CWH43: variants seen among roughly 807,000 people sequenced by gnomAD.
CWH43 encodes cell wall biogenesis 43 C-terminal homolog, also known as PGAP2-interacting protein.
A neutral mutation model predicts 85.7 loss-of-function variants in CWH43; 91 were observed. The ratio of observed to expected loss-of-function variants is 1.06; its 90% CI spans 0.90 to 1.26. CWH43 has a LOEUF of 1.26. Among genes scored for constraint, CWH43 ranks in the 50% most tolerant of loss-of-function variants. CWH43 has a pLI of 0.00. For missense variants in CWH43, 869 were observed against 839.2 expected, an observed-to-expected ratio of 1.04 and a Z score of -0.44; for synonymous variants, 323 against 293.6, an observed-to-expected ratio of 1.10 and a Z score of -1.02.
chr4:49,017,122 G>T (rs1783574185), intron 8 of CWH43, 127 bp from the exon 9 acceptor site: 2 of 797,450 alleles, frequency 2.5e-6, no homozygotes, highest in African/African-American at 1.7e-5. Flanking sequence ...CATCTTCCAG[G>T]TCCTCCAAGA....
intron 12 of CWH43, among the ~76,000 whole-genome samples, chr4:49,035,082 C>G (rs776570779): frequency 6.6e-6 from 1 of 152,140 alleles, no homozygotes; most frequent in Non-Finnish European, 1.5e-5. Context: ...TCCCAACAAG[C>G]GACATAGGAA....
chr4:49,032,073 C>T (rs559997859), intron 11 of CWH43, among the ~76,000 whole-genome samples: 2 of 152,280 alleles, frequency 1.3e-5, no homozygotes, highest in South Asian at 2.1e-4. Context: ...ACAGAGAATG[C>T]GTCTAGCTAT....
chr4:49,027,328 T>C (rs186943556), intron 9 of CWH43, among the ~76,000 whole-genome samples: 95 of 152,318 alleles, frequency 6.2e-4, no homozygotes, highest in Admixed American at 1.0e-3. Flanking sequence ...ATGTTTTTGG[T>C]TTGAGCAACT....
intron 12 of CWH43, among the ~76,000 whole-genome samples, chr4:49,035,618 A>G (rs1577694618): frequency 6.6e-6 from 1 of 152,160 alleles, no homozygotes; most frequent in East Asian, 1.9e-4. Context: ...CTTACTTTAT[A>G]GGGTTATTGG....
intron 4 of CWH43, among the ~76,000 whole-genome samples, chr4:48,993,177 T>C (rs1463429359): frequency 6.6e-6 from 1 of 152,230 alleles, no homozygotes; most frequent in African/African-American, 2.4e-5. Context: ...CTGTTCACCC[T>C]GCACCTTCTC....
chr4:49,040,924 G>A (rs1163204237), intron 13 of CWH43, among the ~76,000 whole-genome samples: 2 of 152,186 alleles, frequency 1.3e-5, no homozygotes, highest in African/African-American at 4.8e-5. Flanking sequence ...TTTTGTATAA[G>A]ATGTAAGGAA....
At chr4:49,006,806 A>G (rs1783172137) in intron 7 of CWH43, among the ~76,000 whole-genome samples, 1 of 152,182 alleles carries the variant, frequency 6.6e-6, no homozygotes, top group Non-Finnish European at 1.5e-5. Context: ...GAGCCTACGT[A>G]TGATCCATTG....
At chr4:49,021,923 A>T (rs1330095005) in intron 9 of CWH43, among the ~76,000 whole-genome samples, 1 of 152,152 alleles carries the variant, frequency 6.6e-6, no homozygotes, top group Non-Finnish European at 1.5e-5. Context: ...ACTTTGCTGA[A>T]TTCATTTACC....
chr4:49,016,073 T>G (rs1344233881), intron 8 of CWH43, among the ~76,000 whole-genome samples: 1 of 152,160 alleles, frequency 6.6e-6, no homozygotes, highest in Non-Finnish European at 1.5e-5. Flanking sequence ...TTGTGACTTA[T>G]TTTTACTTTA....
rs1398923031 is a variant in CWH43, at chr4:48,992,526, T to C, written c.511+436T>C. On this transcript the variant is annotated intron_variant, in intron 4 of 15. Coordinates refer to ENST00000226432, the MANE Select transcript of CWH43 (RefSeq NM_025087.3). The surrounding 1 kb of genome is among the most constrained non-coding windows in gnomAD (Gnocchi z 4.3). ...CTGTCACTGGAACTCCCTGGGTTTT[T>C]TTTCCCAGAGGTCTGAAGCTCCAAA... Among the ~76,000 whole-genome samples the C allele has an allele frequency of 6.6e-6, 1 of 152,198 alleles. No individual in the cohort carries two copies. Among genetic ancestry groups the C allele is most frequent in the Admixed American group, 6.5e-5 (1 of 15,280 alleles).
intron 8 of CWH43, among the ~76,000 whole-genome samples, chr4:49,015,872 ATTAT>A (rs1270122731): frequency 6.6e-6 from 1 of 151,784 alleles, no homozygotes; most frequent in Non-Finnish European, 1.5e-5. Flanking sequence ...AAATTTTCTG[ATTAT>A]TTATTTTAGT....
At chr4:49,020,876 C>T (rs1454909391) in intron 9 of CWH43, among the ~76,000 whole-genome samples, 2 of 151,898 alleles carry the variant, frequency 1.3e-5, no homozygotes, top group Non-Finnish European at 2.9e-5. Context: ...ATTGTCTATT[C>T]ATGTCCTTAG....
At chr4:49,008,081 C>T (rs1560492417) in intron 8 of CWH43, among the ~76,000 whole-genome samples, 2 of 152,206 alleles carry the variant, frequency 1.3e-5, no homozygotes, top group African/African-American at 4.8e-5. Context: ...TATTTACACT[C>T]CCACCAACAG....
At chr4:49,037,972 A>G (rs1784310895) in intron 12 of CWH43, 64 bp from the exon 13 acceptor site, 1 of 1,457,694 alleles carries the variant, frequency 6.9e-7, no homozygotes, top group Admixed American at 2.1e-5. Context: ...CAACTTAGGT[A>G]CCTAAGGCTT....
chr4:48,995,333 T>A (rs1350125), intron 5 of CWH43, among the ~76,000 whole-genome samples: 91,962 of 152,068 alleles, frequency 0.6, 30,478 homozygotes, highest in Middle Eastern at 0.79. Context: ...TGGGACAGGG[T>A]CACACAGGGA....
At chr4:49,028,478 TC>T in intron 9 of CWH43, 150 bp from the exon 10 acceptor site, 1 of 561,124 alleles carries the variant, frequency 1.8e-6, no homozygotes, top group Non-Finnish European at 3.2e-6. Flanking sequence ...AGCAAATATC[TC>T]CTTATTTTCA....
At chr4:49,037,854 A>G (rs1270713093) in intron 12 of CWH43, among the ~76,000 whole-genome samples, 182 bp from the exon 13 acceptor site, 1 of 152,218 alleles carries the variant, frequency 6.6e-6, no homozygotes, top group African/African-American at 2.4e-5. Context: ...CTGTCAGCCT[A>G]TTCATTTGAA....
intron 14 of CWH43, among the ~76,000 whole-genome samples, chr4:49,046,993 T>A (rs2768967): frequency 0.63 from 96,394 of 151,994 alleles, 32,705 homozygotes; most frequent in Middle Eastern, 0.81. Context: ...CTCCTAGGAC[T>A]GACTTCCCTG....
intron 12 of CWH43, among the ~76,000 whole-genome samples, chr4:49,033,358 C>T (rs1784161952): frequency 6.6e-6 from 1 of 152,046 alleles, no homozygotes; most frequent in Admixed American, 6.6e-5. Context: ...GGCTTAAGTG[C>T]CCATATGGAC....
Sources: allele counts gnomAD v4.1 joint callset (sites outside exome capture counted in the v4.1 genomes callset), GRCh38; gene constraint gnomAD v4.1.1; non-coding constraint Gnocchi (gnomAD v3.1); transcripts MANE v1.5; gene names NCBI Gene and HGNC (gene_info 2026-07-23, HGNC 2026-07-21).